Variants in NTN4 observed in about 807,000 individuals in gnomAD.
The protein encoded by NTN4 is netrin 4.
Under a neutral mutation model 73.6 loss-of-function variants are expected in NTN4, and 32 were observed. The observed-to-expected ratio is 0.44, with a 90% CI of 0.33 to 0.58. The LOEUF (loss-of-function observed/expected upper bound fraction) is 0.58, where lower values mean the gene tolerates loss of function less well. NTN4 is among the 20% of genes least tolerant of loss of function. The probability of loss-of-function intolerance (pLI) is 0.04; values close to 1 mark genes in which losing one functional copy is unlikely to be tolerated. For synonymous variants in NTN4, 258 were observed against 287.5 expected (o/e 0.90, Z 1.04); for missense variants, 654 against 798.3 (o/e 0.82, Z 2.18).
intron 2 of NTN4, among the ~76,000 whole-genome samples, chr12:95,770,986 G>C (rs1234867834): frequency 1.4e-5 from 1 of 72,282 alleles, no homozygotes; most frequent in African/African-American, 5.9e-5. Context: ...TCCAGGAAAA[G>C]AATTTGTTTT....
At chr12:95,670,267 A>C (rs1253536396) in intron 7 of NTN4, 121 bp from the exon 8 acceptor site, 1 of 477,326 alleles carries the variant, frequency 2.1e-6, no homozygotes, top group Non-Finnish European at 3.7e-6. Context: ...CATACAGTGT[A>C]ATCTGTAAGT....
chr12:95,729,652 T>A (rs1035671698), intron 3 of NTN4, among the ~76,000 whole-genome samples: 2 of 151,594 alleles, frequency 1.3e-5, no homozygotes, highest in Admixed American at 6.6e-5. Context: ...TGTGTGTGTG[T>A]GTGTGTGTGT....
intron 5 of NTN4, among the ~76,000 whole-genome samples, chr12:95,693,285 T>G (rs186703111): frequency 6.6e-4 from 70 of 105,884 alleles, no homozygotes; most frequent in Non-Finnish European, 1.4e-3. Flanking sequence ...TGTAGATATG[T>G]TTTTTTTTTT....
intron 3 of NTN4, 70 bp downstream of exon 3, chr12:95,737,796 A>G: frequency 6.7e-7 from 1 of 1,500,338 alleles, no homozygotes; most frequent in South Asian, 1.3e-5. Flanking sequence ...TTAAGCATAT[A>G]CCAACCAATG....
At chr12:95,736,677 AG>A (rs2078780369) in intron 3 of NTN4, among the ~76,000 whole-genome samples, 1 of 152,230 alleles carries the variant, frequency 6.6e-6, no homozygotes, top group Non-Finnish European at 1.5e-5. Flanking sequence ...ATCAGTGTCT[AG>A]AAACTAGCAG....
chr12:95,660,618 T>C (rs574304634), intron 9 of NTN4, among the ~76,000 whole-genome samples: 1 of 152,316 alleles, frequency 6.6e-6, no homozygotes, highest in Non-Finnish European at 1.5e-5. Context: ...TAATTGCCCT[T>C]AGTTAATGTT....
At chr12:95,766,948 TTAATATTTA>T (rs1334283551) in intron 2 of NTN4, among the ~76,000 whole-genome samples, 21 of 152,222 alleles carry the variant, frequency 1.4e-4, no homozygotes, top group African/African-American at 4.8e-4. Flanking sequence ...TAAAAAGGAA[TTAATATTTA>T]TCACTGTTAA....
chr12:95,708,141 A>C (rs1445079088), intron 5 of NTN4, among the ~76,000 whole-genome samples: 1 of 152,128 alleles, frequency 6.6e-6, no homozygotes, highest in Admixed American at 6.5e-5. Flanking sequence ...TCTTTAAATA[A>C]GGTATTTTTG....
intron 3 of NTN4, among the ~76,000 whole-genome samples, chr12:95,722,179 T>C (rs895733767): frequency 1.2e-4 from 19 of 152,010 alleles, no homozygotes; most frequent in African/African-American, 4.6e-4. Flanking sequence ...ATTAGATGAT[T>C]AGCCAAAAAT....
intron 2 of NTN4, among the ~76,000 whole-genome samples, chr12:95,752,964 C>A (rs536492776): frequency 8.9e-4 from 136 of 152,300 alleles, no homozygotes; most frequent in Admixed American, 1.8e-3. Context: ...CAGCTGTGCT[C>A]GCTCTTTAAG....
Position 95,741,010 on chromosome 12 carries a change from A to G in NTN4, c.586-2866T>C, listed in dbSNP as rs1470978833. ...AACAAAATTTGAGAAACACCGTTAC[A>G]TAATTTTAAAACCTGCTTAGAATTA... On this transcript the variant is annotated intron_variant, in intron 2 of 9. Transcript: ENST00000343702. 5.3e-5 allele frequency among the ~76,000 whole-genome samples: 8 copies of G among 152,194 alleles called. No homozygotes were observed. The East Asian group carries it at 1.5e-3, about 29-fold the overall frequency.
chr12:95,789,965 G>GT lies in NTN4; in HGVS notation c.55+289dup, dbSNP rs2079196010. On this transcript the variant is annotated intron_variant, in intron 1 of 9. Transcript: ENST00000343702. This position sits in a 1 kb window ranked among gnomAD's most constrained non-coding sequence, Gnocchi z 4.0. ...TGTTCCCTCACCAAGTGGAAAAGCA[G>GT]TTTTTTAACAAGCCAAACCAAGAAA... 2.7e-6 allele frequency: 1 copy of GT among 367,034 alleles called. No homozygotes were observed. Among genetic ancestry groups the GT allele is most frequent in the Admixed American group, 4.7e-5 (1 of 21,448 alleles). 22.7% of individuals were successfully genotyped at this position (367,034 alleles called of 1,614,324 possible).
intron 2 of NTN4, among the ~76,000 whole-genome samples, chr12:95,742,883 G>A (rs918859807): frequency 1.3e-5 from 2 of 152,214 alleles, no homozygotes; most frequent in Admixed American, 6.5e-5. Flanking sequence ...ATTCTAAGAG[G>A]AGAAGCCAAA....
At position 95,658,755 on chromosome 12, in the gene NTN4, A is replaced by G; in HGVS notation, c.*331T>C. The G allele has an allele frequency of 5.8e-6, 1 of 172,456 alleles. No individual in the cohort carries two copies. Among genetic ancestry groups the G allele is most frequent in the Non-Finnish European group, 1.2e-5 (1 of 81,604 alleles). The allele number at this position is 172,456 out of a possible 1,614,324, so 10.7% of individuals were successfully genotyped here. A position where few individuals can be genotyped will look rare whatever the true frequency, so the allele number is the denominator to read the frequency against. On this transcript the variant is annotated 3_prime_UTR_variant, in exon 10 of 10. Transcript: ENST00000343702. ...GCATCAAACGTAAGTAACATCGCTG[A>G]AGCTGGAAGGCGTCCTTGTTAGAGG...
At chr12:95,738,276 A>G in intron 2 of NTN4, 132 bp from the exon 3 acceptor site, 2 of 820,146 alleles carry the variant, frequency 2.4e-6, no homozygotes, top group Non-Finnish European at 1.9e-6. Flanking sequence ...AAGTTTTTAG[A>G]CCTTGAGCAC....
chr12:95,761,564 C>G (rs1191378254), intron 2 of NTN4, among the ~76,000 whole-genome samples: 1 of 152,036 alleles, frequency 6.6e-6, no homozygotes. Context: ...AACTCCTGAC[C>G]TGAAGCGATC....
At chr12:95,701,522 T>C (rs1006075352) in intron 5 of NTN4, among the ~76,000 whole-genome samples, 2 of 152,154 alleles carry the variant, frequency 1.3e-5, no homozygotes, top group African/African-American at 4.8e-5. Flanking sequence ...TTTCTTGGCA[T>C]GGTAATGTGT....
intron 5 of NTN4, among the ~76,000 whole-genome samples, chr12:95,702,348 A>C (rs1265912761): frequency 6.6e-6 from 1 of 151,926 alleles, no homozygotes; most frequent in Non-Finnish European, 1.5e-5. Flanking sequence ...GTATTTCAGC[A>C]ATTTTACAGG....
At chr12:95,766,156 A>T (rs1179541084) in intron 2 of NTN4, among the ~76,000 whole-genome samples, 1 of 152,236 alleles carries the variant, frequency 6.6e-6, no homozygotes, top group African/African-American at 2.4e-5. Flanking sequence ...GTGGCTAAAA[A>T]GGGTGCTCCT....
Sources: gnomAD v4.1 joint callset for allele counts (sites outside exome capture counted in the v4.1 genomes callset) on GRCh38, gnomAD v4.1.1 for gene constraint, Gnocchi (gnomAD v3.1) non-coding constraint, MANE v1.5 for transcripts, NCBI Gene and HGNC (gene_info 2026-07-23, HGNC 2026-07-21) for gene names.